Variants in CHD5 observed in about 807,000 individuals in gnomAD.
CHD5 encodes ATP-dependent chromatin remodeler CHD5.
In CHD5, 69 loss-of-function variants were observed where a neutral mutation model predicts 230.3. That is an observed-to-expected ratio of 0.30 (90% CI 0.25 to 0.37). The LOEUF is 0.37. Among genes scored for constraint, CHD5 ranks in the 10% least tolerant of loss-of-function variants. The probability of loss-of-function intolerance (pLI) is 1.00; values close to 1 mark genes in which losing one functional copy is unlikely to be tolerated. For missense variants in CHD5, 1,827 were observed against 2,622.8 expected (o/e 0.70, Z 6.63); for synonymous variants, 1,064 against 1,065.9 (o/e 1.00, Z 0.03).
Position 6,104,827 on chromosome 1 carries a change from T to C in CHD5, c.*647A>G. ...GCCTTGGCAGGAAGGAGGGGAAATGTCAGCCAGGGTCTCACCATAGGGCTG... is the reference window on the plus strand; with the variant it reads ...GCCTTGGCAGGAAGGAGGGGAAATGCCAGCCAGGGTCTCACCATAGGGCTG... On this transcript the variant is annotated 3_prime_UTR_variant, in exon 42 of 42. Coordinates refer to ENST00000262450, the MANE Select transcript of CHD5 (RefSeq NM_015557.3). The C allele has an allele frequency of 6.5e-6, 1 of 152,876 alleles. No homozygotes were observed. The highest frequency in any genetic ancestry group is 1.5e-5 in the Non-Finnish European group (1 of 68,470). The allele number at this position is 152,876 out of a possible 1,614,324, so 9.5% of individuals were successfully genotyped here.
At chr1:6,113,900 A>T (rs1380962305) in intron 33 of CHD5, among the ~76,000 whole-genome samples, 1 of 152,174 alleles carries the variant, frequency 6.6e-6, no homozygotes, top group Non-Finnish European at 1.5e-5. Flanking sequence ...GCCTCCAGAA[A>T]CAAAAGGGGA....
chr1:6,134,287 T>A lies in CHD5; in HGVS notation c.3013-28A>T, dbSNP rs3765452. The A allele has an allele frequency of 6.2e-7, 1 of 1,607,136 alleles. No homozygotes were observed. The highest frequency in any genetic ancestry group is 2.2e-5 in the East Asian group (1 of 44,860). ...GCAGACACAGCAGGAGGTGGGGCAT[T>A]GGTGGGCTCCCCTCTCCTCTCTGAC... On this transcript the variant is annotated intron_variant, in intron 19 of 41. Coordinates refer to ENST00000262450, the MANE Select transcript of CHD5 (RefSeq NM_015557.3). The surrounding 1 kb of genome is among the most constrained non-coding windows in gnomAD (Gnocchi z 6.3).
At position 6,109,893 on chromosome 1, in the gene CHD5, G is replaced by A. The variant is rs1158047658; in HGVS notation, c.5480C>T (p.Ala1827Val). ...DPNHPAMALN[A>V]RLAEVECLAE... The stretch of plus-strand genomic sequence containing the variant: ...GAGGCACTCCACTTCAGCCAGGCGG[G>A]CGTTGAGGGCCATGGCGGGGTGGTT... Residue 1827 changes from alanine to valine, a missense_variant, in exon 38 of 42, where the codon GCC (alanine) becomes GTC (valine). Around this residue, in one of 14 missense-constraint regions of CHD5, gnomAD observed 208 missense variants for 302.0 expected, o/e 0.69. Transcript: ENST00000262450. The A allele has an allele frequency of 6.2e-7, 1 of 1,612,460 alleles. No homozygotes were observed.
At position 6,151,834 on chromosome 1, in the gene CHD5, G is replaced by A. The variant is rs531838112; in HGVS notation, c.870+578C>T. ...TGAGGTGAGGGAGGCAGCTACCTGT[G>A]GGGGTGAGGAGGGCGAATGCCCCTC... On this transcript the variant is annotated intron_variant, in intron 6 of 41. Transcript: ENST00000262450. 1.8e-4 allele frequency among the ~76,000 whole-genome samples: 28 copies of A among 152,294 alleles called. No individual in the cohort carries two copies. In the South Asian group the frequency reaches 4.8e-3, roughly 26 times the overall value.
In CHD5 at chr1:6,106,381, G is replaced by A. The variant is rs780980145; in HGVS notation, c.5857+14C>T. 2.2e-5 allele frequency: 35 copies of A among 1,606,102 alleles called. No individual in the cohort carries two copies. The highest frequency in any genetic ancestry group is 1.8e-4 in the East Asian group (8 of 44,546). ...CACCCGTGTGCATGCTGCCCGGAGC[G>A]GACGGGCACCTACCGGTCACATAGG... On this transcript the variant is annotated intron_variant, in intron 40 of 41. Transcript: ENST00000262450.
At position 6,106,703 on chromosome 1, in the gene CHD5, G is replaced by GAA. The variant is rs1666175115; in HGVS notation, c.5654_5655insTT (p.Pro1886SerfsTer16). ...TCTGCAGCCGGGCGGCCACCGGGGGGATGCGGGACAGCATGGATGGCAGCC... is the reference window on the plus strand; with the variant it reads ...TCTGCAGCCGGGCGGCCACCGGGGGGAAATGCGGGACAGCATGGATGGCAGCC... On this transcript the variant is annotated frameshift_variant, in exon 39 of 42. Coordinates refer to ENST00000262450, the MANE Select transcript of CHD5 (RefSeq NM_015557.3). LOFTEE classifies it high-confidence loss of function. The GAA allele has an allele frequency of 1.2e-6, 2 of 1,611,858 alleles. No individual in the cohort carries two copies. The highest frequency in any genetic ancestry group is 2.7e-5 in the African/African-American group (2 of 74,862).
intron 18 of CHD5, 63 bp downstream of exon 18, chr1:6,135,167 C>T (rs1666719003): frequency 1.3e-6 from 2 of 1,597,546 alleles, no homozygotes; most frequent in Admixed American, 3.3e-5. Context: ...GGGAATCGAC[C>T]CAGGAGACCA....
Position 6,136,113 on chromosome 1 carries a change from G to C in CHD5, c.2696+404C>G, listed in dbSNP as rs551636791. ...CATTCTGAGCAGGCAAGTGGAGGTA[G>C]GTGAAGATGAGGGGGATGGGGCGGT... On this transcript the variant is annotated intron_variant, in intron 17 of 41. Coordinates refer to ENST00000262450, the MANE Select transcript of CHD5 (RefSeq NM_015557.3). Among the ~76,000 whole-genome samples, 26 of 152,308 alleles carry C rather than the reference G, an allele frequency of 1.7e-4. No homozygotes were observed. In the East Asian group the frequency reaches 4.8e-3, roughly 28 times the overall value.
chr1:6,127,738 A>T (rs1274254894), intron 25 of CHD5, among the ~76,000 whole-genome samples: 1 of 152,200 alleles, frequency 6.6e-6, no homozygotes, highest in African/African-American at 2.4e-5. Flanking sequence ...TGGCCGGCCC[A>T]TGTGGCTGTA....
intron 33 of CHD5, among the ~76,000 whole-genome samples, chr1:6,113,883 G>A (rs949924081): frequency 2.6e-5 from 4 of 152,106 alleles, no homozygotes; most frequent in African/African-American, 4.8e-5. Context: ...GAAACCTCCC[G>A]GCCTGAGCCT....
At chr1:6,161,661 G>C (rs1667179725) in intron 2 of CHD5, among the ~76,000 whole-genome samples, 1 of 152,230 alleles carries the variant, frequency 6.6e-6, no homozygotes, top group Non-Finnish European at 1.5e-5. Context: ...CGGTCCTTTG[G>C]GGAGGTGGAG....
chr1:6,176,783 G>A (rs577217630), intron 1 of CHD5, among the ~76,000 whole-genome samples: 14 of 152,282 alleles, frequency 9.2e-5, no homozygotes, highest in African/African-American at 3.1e-4. Flanking sequence ...TGGGCACACC[G>A]AGGAGAGGGC....
chr1:6,166,710 G>A (rs759571845), intron 2 of CHD5, among the ~76,000 whole-genome samples: 10 of 97,774 alleles, frequency 1.0e-4, no homozygotes, highest in Middle Eastern at 4.5e-3. Context: ...AACAAGCCGG[G>A]GAAGTGGAAA....
chr1:6,157,703 C>T lies in CHD5; in HGVS notation c.387+1633G>A, dbSNP rs543150849. On this transcript the variant is annotated intron_variant, in intron 3 of 41. Transcript: ENST00000262450. ...GCCCCCTCTGTGGCTGACCTGCCCC[C>T]GTGGACACACATGGCCATTCCTGAT... Among the ~76,000 whole-genome samples, 310 of 152,330 alleles carry T rather than the reference C, an allele frequency of 2.0e-3. 1 individual carries two copies. Among genetic ancestry groups the T allele is most frequent in the African/African-American group, 7.2e-3 (299 of 41,570 alleles).
chr1:6,172,926 C>T (rs113615282), intron 1 of CHD5, among the ~76,000 whole-genome samples: 17 of 152,128 alleles, frequency 1.1e-4, no homozygotes, highest in South Asian at 2.1e-4. Context: ...GGGGAAGGCG[C>T]GTGACTGTGG....
chr1:6,121,990 G>A lies in CHD5; in HGVS notation c.4700-417C>T, dbSNP rs142020272. On this transcript the variant is annotated intron_variant, in intron 31 of 41. Coordinates refer to ENST00000262450, the MANE Select transcript of CHD5 (RefSeq NM_015557.3). This position sits in a 1 kb window ranked among gnomAD's most constrained non-coding sequence, Gnocchi z 4.5. The stretch of plus-strand genomic sequence containing the variant: ...CTGCCAAGCCAGCCGCCAACACACT[G>A]CAAAGTGCTGGTCACTTACACAGCT... Among the ~76,000 whole-genome samples the A allele has an allele frequency of 7.9e-4, 120 of 152,322 alleles. No individual in the cohort carries two copies. Among genetic ancestry groups the A allele is most frequent in the Admixed American group, 2.2e-3 (34 of 15,304 alleles).
At chr1:6,162,335 G>A (rs972854054) in intron 2 of CHD5, among the ~76,000 whole-genome samples, 5 of 151,604 alleles carry the variant, frequency 3.3e-5, no homozygotes, top group Admixed American at 1.3e-4. Context: ...GCAGTGAGCC[G>A]AGATCGCACC....
Position 6,134,207 on chromosome 1 carries a change from G to T in CHD5, c.3065C>A (p.Ser1022Tyr). Residue 1022 changes from serine to tyrosine, a missense_variant, in exon 20 of 42, where the codon TCT (serine) becomes TAT (tyrosine). Physicochemically the swap from Ser to Tyr is moderately radical, Grantham distance 144. Around this residue, in one of 14 missense-constraint regions of CHD5, gnomAD observed 38 missense variants for 49.5 expected, o/e 0.77. Transcript: ENST00000262450. This position sits in a 1 kb window ranked among gnomAD's most constrained non-coding sequence, Gnocchi z 6.3. ...GSYDGSSLVK[S>Y]SGKLMLLQKM... ...CTGTAGCAGCATGAGCTTCCCTGAA[G>T]ACTTGACCAGGGAGCTTCCATCGTA... The T allele has an allele frequency of 6.2e-7, 1 of 1,613,828 alleles. No homozygotes were observed.
chr1:6,118,168 G>C (rs1049078553), intron 33 of CHD5, among the ~76,000 whole-genome samples: 1 of 152,080 alleles, frequency 6.6e-6, no homozygotes, highest in African/African-American at 2.4e-5. Flanking sequence ...TTGAGTCCAG[G>C]GGTTCAAGAC....
Sources: gnomAD v4.1 joint callset for allele counts (sites outside exome capture counted in the v4.1 genomes callset) on GRCh38, gnomAD v4.1.1 for gene constraint, gnomAD v4.1.1 regional missense constraint, Gnocchi (gnomAD v3.1) non-coding constraint, MANE v1.5 for transcripts, NCBI Gene and HGNC (gene_info 2026-07-23, HGNC 2026-07-21) for gene names.